FAM13A: variants seen among roughly 807,000 people sequenced by gnomAD.
The protein encoded by FAM13A is protein FAM13A.
A neutral mutation model predicts 129.6 loss-of-function variants in FAM13A; 76 were observed. The ratio of observed to expected loss-of-function variants is 0.59; its 90% CI spans 0.49 to 0.71. FAM13A has a LOEUF of 0.71. Among genes scored for constraint, FAM13A ranks in the 30% least tolerant of loss-of-function variants. The pLI, the probability that FAM13A is intolerant of heterozygous loss-of-function variation, is 0.00. For synonymous variants in FAM13A, 443 were observed against 449.9 expected (o/e 0.98, Z 0.20); for missense variants, 1,108 against 1,249.3 (o/e 0.89, Z 1.70).
At position 88,728,478 on chromosome 4, in the gene FAM13A, TG is replaced by T. The variant is rs1355936527; in HGVS notation, c.*54del. On this transcript the variant is annotated 3_prime_UTR_variant, in exon 24 of 24. Transcript: ENST00000264344. ...CTGCCTTCCAGAGCTGCACTTTCTC[TG>T]GGGACAGTAAACTCTCACCGCAGCT... is the stretch of plus-strand genomic sequence containing the variant. 4 of 1,610,622 alleles carry T rather than the reference TG, an allele frequency of 2.5e-6. No individual in the cohort carries two copies. Among genetic ancestry groups the T allele is most frequent in the Non-Finnish European group, 3.4e-6 (4 of 1,178,588 alleles).
chr4:88,833,139 A>G (rs895022657), intron 7 of FAM13A, among the ~76,000 whole-genome samples: 2 of 152,208 alleles, frequency 1.3e-5, no homozygotes, highest in Non-Finnish European at 1.5e-5. Flanking sequence ...ACAGAAAATC[A>G]AATACCAAAT....
At chr4:89,051,725 C>A (rs1771613973) in intron 1 of FAM13A, among the ~76,000 whole-genome samples, 1 of 151,996 alleles carries the variant, frequency 6.6e-6, no homozygotes, top group South Asian at 2.1e-4. Flanking sequence ...AAAGGTGGGT[C>A]AGGCATAGGA....
At chr4:88,894,354 T>A (rs148883773) in intron 6 of FAM13A, among the ~76,000 whole-genome samples, 1 of 152,106 alleles carries the variant, frequency 6.6e-6, no homozygotes, top group Admixed American at 6.6e-5. Context: ...AAAGTTAATA[T>A]TGACAGCATA....
intron 2 of FAM13A, among the ~76,000 whole-genome samples, chr4:89,026,421 GA>G (rs1187442350): frequency 6.6e-6 from 1 of 152,146 alleles, no homozygotes; most frequent in Non-Finnish European, 1.5e-5. Flanking sequence ...TACGGAGTAA[GA>G]ACAGAAACCT....
At chr4:88,940,476 A>C (rs1754567573) in intron 4 of FAM13A, among the ~76,000 whole-genome samples, 1 of 152,238 alleles carries the variant, frequency 6.6e-6, no homozygotes, top group Non-Finnish European at 1.5e-5. Context: ...TACCACTTAC[A>C]GTAAAATGCA....
chr4:89,027,150 T>C (rs1174484810), intron 2 of FAM13A, among the ~76,000 whole-genome samples: 5 of 152,212 alleles, frequency 3.3e-5, no homozygotes, highest in Admixed American at 1.3e-4. Flanking sequence ...TATACATACA[T>C]ATCTATGACA....
At chr4:88,868,408 T>C (rs141875624) in intron 6 of FAM13A, among the ~76,000 whole-genome samples, 3 of 152,322 alleles carry the variant, frequency 2.0e-5, no homozygotes, top group Non-Finnish European at 4.4e-5. Context: ...GTCCAGCTTT[T>C]ATCTGTTTAC....
intron 1 of FAM13A, among the ~76,000 whole-genome samples, chr4:89,040,621 A>T (rs1769986811): frequency 6.6e-6 from 1 of 152,214 alleles, no homozygotes; most frequent in African/African-American, 2.4e-5. Context: ...TGGTTTTGCC[A>T]TTGACTGGTA....
chr4:88,739,786 C>CA (rs34007551), intron 19 of FAM13A, among the ~76,000 whole-genome samples: 3,095 of 67,798 alleles, frequency 0.046, 228 homozygotes, highest in African/African-American at 0.12. Flanking sequence ...GACTCTGTCT[C>CA]AAAAAAAAAA....
At chr4:88,881,429 G>A (rs1027586018) in intron 6 of FAM13A, among the ~76,000 whole-genome samples, 1 of 152,170 alleles carries the variant, frequency 6.6e-6, no homozygotes, top group East Asian at 1.9e-4. Flanking sequence ...GGAAGGGGGA[G>A]AGCACCACAT....
chr4:88,859,545 C>T (rs1046352313), intron 6 of FAM13A, among the ~76,000 whole-genome samples: 7 of 151,970 alleles, frequency 4.6e-5, no homozygotes, highest in African/African-American at 1.7e-4. Context: ...GAGTGTGAAG[C>T]GGTGAAGGAA....
chr4:89,053,053 CA>C (rs1332558094), intron 1 of FAM13A, among the ~76,000 whole-genome samples: 2 of 152,146 alleles, frequency 1.3e-5, no homozygotes, highest in Non-Finnish European at 2.9e-5. Flanking sequence ...GAAACCAAGC[CA>C]CCATTTCAGC....
At chr4:89,007,322 C>T (rs1453585894) in intron 3 of FAM13A, among the ~76,000 whole-genome samples, 1 of 152,140 alleles carries the variant, frequency 6.6e-6, no homozygotes. Flanking sequence ...GAACTGCATG[C>T]TCTGGGAGAA....
At chr4:89,012,076 A>G (rs1765809120) in intron 3 of FAM13A, among the ~76,000 whole-genome samples, 1 of 152,222 alleles carries the variant, frequency 6.6e-6, no homozygotes, top group Non-Finnish European at 1.5e-5. Context: ...AACTACTTAC[A>G]TTTATATTAG....
In FAM13A at chr4:88,867,024, T is replaced by C. The variant is rs2150060908; in HGVS notation, c.844-15841A>G. 2.0e-5 allele frequency among the ~76,000 whole-genome samples: 3 copies of C among 152,320 alleles called. No individual in the cohort carries two copies. In the South Asian group the frequency reaches 6.2e-4, roughly 32 times the overall value. On this transcript the variant is annotated intron_variant, in intron 6 of 23. Transcript: ENST00000264344. The stretch of plus-strand genomic sequence containing the variant: ...TACAGTAGATTCTCATTATGTGTGG[T>C]AGTTATGTTCTATAAAGTTGCCATG...
chr4:88,970,979 C>A (rs563510586), intron 4 of FAM13A, among the ~76,000 whole-genome samples: 1 of 152,168 alleles, frequency 6.6e-6, no homozygotes, highest in Non-Finnish European at 1.5e-5. Context: ...GAGGCCGAGG[C>A]GGGTGGATCA....
At chr4:89,042,741 A>C (rs1358504603) in intron 1 of FAM13A, among the ~76,000 whole-genome samples, 2 of 127,364 alleles carry the variant, frequency 1.6e-5, no homozygotes, top group African/African-American at 6.1e-5. Context: ...TAATCCATTT[A>C]AATTTCTCTT....
intron 11 of FAM13A, among the ~76,000 whole-genome samples, chr4:88,771,205 C>A (rs1353677897): frequency 1.4e-5 from 2 of 144,118 alleles, no homozygotes; most frequent in Admixed American, 7.2e-5. Flanking sequence ...TCTATGAGTA[C>A]AGTAACAAAA....
At chr4:88,903,268 T>C (rs1176758570) in intron 6 of FAM13A, among the ~76,000 whole-genome samples, 3 of 152,078 alleles carry the variant, frequency 2.0e-5, no homozygotes, top group East Asian at 1.9e-4. Context: ...AAAATTCATA[T>C]GGAACCAAAC....
Sources: gnomAD v4.1 joint callset for allele counts (sites outside exome capture counted in the v4.1 genomes callset) on GRCh38, gnomAD v4.1.1 for gene constraint, MANE v1.5 for transcripts, NCBI Gene and HGNC (gene_info 2026-07-23, HGNC 2026-07-21) for gene names.